Variants in PCDHGA4 observed in about 807,000 individuals in gnomAD.
PCDHGA4 encodes the protein protocadherin gamma-A4.
PCDHGA4 carries 38 observed loss-of-function variants against 54.6 expected under a neutral mutation model. That is an observed-to-expected ratio of 0.70 (90% CI 0.54 to 0.91). PCDHGA4 has a LOEUF of 0.91. PCDHGA4 is among the 40% of genes least tolerant of loss of function. The pLI is 0.00. For synonymous variants in PCDHGA4, 511 were observed against 512.9 expected (o/e 1.00, Z 0.05); for missense variants, 1,298 against 1,220.9 (o/e 1.06, Z -0.94).
intron 1 of PCDHGA4, among the ~76,000 whole-genome samples, chr5:141,481,869 G>A (rs909237712): frequency 4.1e-5 from 6 of 146,780 alleles, no homozygotes; most frequent in East Asian, 2.0e-4. Flanking sequence ...AGCCGAGATC[G>A]CGCCACTGCA....
chr5:141,483,213 C>T (rs1343903817), intron 1 of PCDHGA4, among the ~76,000 whole-genome samples: 1 of 152,142 alleles, frequency 6.6e-6, no homozygotes, highest in Non-Finnish European at 1.5e-5. Flanking sequence ...ATATAGATGA[C>T]AGTCACTGCA....
At chr5:141,387,911 C>G (rs2091149943) in intron 1 of PCDHGA4, 8 of 1,495,982 alleles carry the variant, frequency 5.3e-6, no homozygotes, top group Non-Finnish European at 7.1e-6. Flanking sequence ...GGGAGCTGGG[C>G]CGGGCTGAGA....
chr5:141,511,147 A>T lies in PCDHGA4; in HGVS notation c.2863A>T (p.Lys955Ter). The change falls in exon 4 of 4, where the codon AAG becomes TAG. Residue 955 changes from lysine to a stop codon, truncating the protein, a stop_gained. Coordinates refer to ENST00000571252, the MANE Select transcript of PCDHGA4 (RefSeq NM_018917.4). LOFTEE classifies it high-confidence loss of function. Reference sequence around the variant, plus strand: ...AGCAGGTGGCAATGGCAACAAGAAGAAGTCGGGCAAGAAGGAGAAGAAGTA... The same window carrying T: ...AGCAGGTGGCAATGGCAACAAGAAGTAGTCGGGCAAGAAGGAGAAGAAGTA... The part of the protein sequence containing the change: ...APAGGNGNKK[K>*]SGKKEKK 1 of 1,614,188 alleles carries T rather than the reference A, an allele frequency of 6.2e-7. No homozygotes were observed. Among genetic ancestry groups the T allele is most frequent in the East Asian group, 2.2e-5 (1 of 44,876 alleles).
Position 141,355,143 on chromosome 5 carries a change from T to C in PCDHGA4, c.36T>C (p.Ala12=). The C allele has an allele frequency of 6.6e-7, 1 of 1,525,970 alleles. No homozygotes were observed. Among genetic ancestry groups the C allele is most frequent in the Non-Finnish European group, 8.8e-7 (1 of 1,140,188 alleles). 94.5% of individuals were successfully genotyped at this position (1,525,970 alleles called of 1,614,324 possible). Residue 12 remains alanine (A), a synonymous_variant, in exon 1 of 4, where the codon GCT becomes GCC. Transcript: ENST00000571252. ...TTTTGGACCCAGAAGATCCTGGGGC[T>C]CCTCAGGCCTCGACAGAGGGAAAAC... ...HFILDPEDPG[A]PQASTEGKPK...
At chr5:141,370,580 T>C (rs1289069128) in intron 1 of PCDHGA4, 1 of 1,613,918 alleles carries the variant, frequency 6.2e-7, no homozygotes, top group Non-Finnish European at 8.5e-7. Context: ...GGGATTTACC[T>C]ACTAGGAACC....
intron 1 of PCDHGA4, chr5:141,395,450 C>A: frequency 1.6e-6 from 1 of 643,034 alleles, no homozygotes; most frequent in Non-Finnish European, 2.5e-6. Flanking sequence ...AAAGATTGTT[C>A]AACCATTTTA....
intron 2 of PCDHGA4, among the ~76,000 whole-genome samples, chr5:141,500,324 T>G (rs1165047676): frequency 6.6e-6 from 1 of 151,994 alleles, no homozygotes; most frequent in African/African-American, 2.4e-5. Flanking sequence ...TGCTCCTGCC[T>G]CAGCCTCCAG....
chr5:141,497,509 C>T (rs1282025317), intron 2 of PCDHGA4, among the ~76,000 whole-genome samples: 1 of 151,184 alleles, frequency 6.6e-6, no homozygotes, highest in Non-Finnish European at 1.5e-5. Flanking sequence ...CTCTCTGCTT[C>T]CTTAGTTAAC....
Position 141,490,330 on chromosome 5 carries a change from C to T in PCDHGA4, c.2515-4477C>T, listed in dbSNP as rs2099698666. ...GGCCAACCCTGTCCTAGAGAGCACA[C>T]CAGTGGGCACAGTAGTGGGGTTGTT... is the stretch of plus-strand genomic sequence containing the variant. On this transcript the variant is annotated intron_variant, in intron 1 of 3. Transcript: ENST00000571252. The surrounding 1 kb of genome is among the most constrained non-coding windows in gnomAD (Gnocchi z 5.4). 6.2e-7 allele frequency: 1 copy of T among 1,614,080 alleles called. No individual in the cohort carries two copies. Among genetic ancestry groups the T allele is most frequent in the Non-Finnish European group, 8.5e-7 (1 of 1,180,042 alleles).
chr5:141,443,183 TTCTC>T (rs2098370937), intron 1 of PCDHGA4, among the ~76,000 whole-genome samples: 1 of 152,184 alleles, frequency 6.6e-6, no homozygotes, highest in Non-Finnish European at 1.5e-5. Context: ...CACTGCATCA[TTCTC>T]TATAGTACAA....
intron 1 of PCDHGA4, among the ~76,000 whole-genome samples, chr5:141,446,381 T>C (rs1225260527): frequency 1.3e-5 from 2 of 152,248 alleles, no homozygotes; most frequent in Non-Finnish European, 2.9e-5. Flanking sequence ...TAAAGAATGA[T>C]AGATTTAAGA....
intron 1 of PCDHGA4, chr5:141,374,219 G>C: frequency 6.2e-7 from 1 of 1,614,020 alleles, no homozygotes; most frequent in African/African-American, 1.3e-5. Flanking sequence ...CTCCTTCGTA[G>C]GCAACATCGT....
chr5:141,447,681 C>T (rs2098548531), intron 1 of PCDHGA4, among the ~76,000 whole-genome samples: 1 of 152,066 alleles, frequency 6.6e-6, no homozygotes, highest in African/African-American at 2.4e-5. Flanking sequence ...TGTTCCATAT[C>T]TTGATAGAGG....
At chr5:141,389,296 A>C in intron 1 of PCDHGA4, 1 of 1,613,988 alleles carries the variant, frequency 6.2e-7, no homozygotes, top group African/African-American at 1.3e-5. Context: ...TCTATTTCAC[A>C]AGTCAGGGCT....
intron 1 of PCDHGA4, chr5:141,372,604 C>A: frequency 6.2e-7 from 1 of 1,613,988 alleles, no homozygotes; most frequent in Non-Finnish European, 8.5e-7. Context: ...AAGACTGTAC[C>A]TGGAGTTCTC....
At chr5:141,363,400 G>C (rs1762910571) in intron 1 of PCDHGA4, among the ~76,000 whole-genome samples, 1 of 151,934 alleles carries the variant, frequency 6.6e-6, no homozygotes, top group Admixed American at 6.6e-5. Context: ...GTCATATAAA[G>C]ATGATAGCAG....
intron 1 of PCDHGA4, chr5:141,422,019 G>T (rs777239843): frequency 1.9e-6 from 3 of 1,610,862 alleles, no homozygotes; most frequent in Non-Finnish European, 2.5e-6. Context: ...GGGTGCTGAT[G>T]GTTAATGCAA....
intron 1 of PCDHGA4, chr5:141,374,357 C>A: frequency 6.2e-7 from 1 of 1,614,018 alleles, no homozygotes; most frequent in Non-Finnish European, 8.5e-7. Flanking sequence ...TAGGATAGAC[C>A]GCGAGGAGCT....
Position 141,490,924 on chromosome 5 carries a change from C to G in PCDHGA4, c.2515-3883C>G, listed in dbSNP as rs1469202824. The G allele has an allele frequency of 1.9e-6, 3 of 1,613,562 alleles. No individual in the cohort carries two copies. The highest frequency in any genetic ancestry group is 2.5e-6 in the Non-Finnish European group (3 of 1,179,702). ...TGTCCTAGACGAGAATGATAATGCC[C>G]CAGCTGTGCTGCACCCACGGCCAGA... On this transcript the variant is annotated intron_variant, in intron 1 of 3. Transcript: ENST00000571252. The surrounding 1 kb of genome is among the most constrained non-coding windows in gnomAD (Gnocchi z 5.4).
Sources: allele counts gnomAD v4.1 joint callset (sites outside exome capture counted in the v4.1 genomes callset), GRCh38; gene constraint gnomAD v4.1.1; non-coding constraint Gnocchi (gnomAD v3.1); transcripts MANE v1.5; gene names NCBI Gene and HGNC (gene_info 2026-07-23, HGNC 2026-07-21).